The following MDGA2 variants were observed in gnomAD, a reference collection of about 807,000 sequenced individuals.
The protein encoded by MDGA2 is MAM domain-containing glycosylphosphatidylinositol anchor protein 2.
A neutral mutation model predicts 117.8 loss-of-function variants in MDGA2; 40 were observed. That is an observed-to-expected ratio of 0.34 (90% CI 0.26 to 0.44). The LOEUF (loss-of-function observed/expected upper bound fraction) is 0.44. Ranked by LOEUF, MDGA2 falls within the 20% of genes least tolerant of loss-of-function variation. The pLI, the probability that MDGA2 is intolerant of heterozygous loss-of-function variation, is 1.00. For missense variants in MDGA2, 1,123 were observed against 1,250.6 expected, an observed-to-expected ratio of 0.90 and a Z score of 1.54; for synonymous variants, 452 against 439.0, an observed-to-expected ratio of 1.03 and a Z score of -0.37.
Position 47,060,053 on chromosome 14 carries a change from T to G in MDGA2, c.1525+1196A>C, listed in dbSNP as rs187531373. 7.5e-3 allele frequency among the ~76,000 whole-genome samples: 1,142 copies of G among 152,228 alleles called. 7 individuals carry two copies. The highest frequency in any genetic ancestry group is 0.024 in the Middle Eastern group (7 of 294). ...CTCAGATATCCTAAAATAATCCATCTCTTAGCGCTAGCACCAACGTTTAAA... is the reference window on the plus strand; with the variant it reads ...CTCAGATATCCTAAAATAATCCATCGCTTAGCGCTAGCACCAACGTTTAAA... On this transcript the variant is annotated intron_variant, in intron 7 of 16. Coordinates refer to ENST00000399232, the MANE Select transcript of MDGA2 (RefSeq NM_001113498.3).
chr14:47,474,967 CA>C, intron 1 of MDGA2, among the ~76,000 whole-genome samples: 1 of 152,020 alleles, frequency 6.6e-6, no homozygotes, highest in South Asian at 2.1e-4. Context: ...GCAACAAAAG[CA>C]AAAATTGACA....
chr14:47,228,952 A>G (rs990383703), intron 2 of MDGA2, among the ~76,000 whole-genome samples: 1 of 152,086 alleles, frequency 6.6e-6, no homozygotes, highest in East Asian at 1.9e-4. Flanking sequence ...TCAAAATTCC[A>G]GTCTCCCAAA....
chr14:47,532,526 G>C (rs1160564047), intron 1 of MDGA2, among the ~76,000 whole-genome samples: 1 of 152,092 alleles, frequency 6.6e-6, no homozygotes, highest in African/African-American at 2.4e-5. Flanking sequence ...TTCTATTTCA[G>C]TCCAGTAATT....
chr14:47,355,657 T>G (rs943936474), intron 1 of MDGA2, among the ~76,000 whole-genome samples: 19 of 151,880 alleles, frequency 1.3e-4, no homozygotes, highest in Non-Finnish European at 8.8e-5. Flanking sequence ...GAGGAGGACT[T>G]CCTCTGCTCC....
At chr14:47,590,546 T>G (rs1460669544) in intron 1 of MDGA2, among the ~76,000 whole-genome samples, 1 of 151,914 alleles carries the variant, frequency 6.6e-6, no homozygotes, top group African/African-American at 2.4e-5. Flanking sequence ...AATTTAATTA[T>G]TAAAATACCA....
chr14:47,662,612 G>A (rs1566564216), intron 1 of MDGA2, among the ~76,000 whole-genome samples: 1 of 152,126 alleles, frequency 6.6e-6, no homozygotes, highest in Non-Finnish European at 1.5e-5. Flanking sequence ...AAAATCACAG[G>A]AAGCAAGAAG....
chr14:47,519,351 C>A (rs1234768719), intron 1 of MDGA2, among the ~76,000 whole-genome samples: 1 of 152,152 alleles, frequency 6.6e-6, no homozygotes, highest in Non-Finnish European at 1.5e-5. Flanking sequence ...CTCCACAGTT[C>A]TCTTCATAGG....
chr14:46,990,866 C>A (rs1959808), intron 8 of MDGA2, among the ~76,000 whole-genome samples: 70 of 140,896 alleles, frequency 5.0e-4, no homozygotes, highest in Non-Finnish European at 7.7e-4. Context: ...ACACACACAC[C>A]CACACACACA....
At chr14:47,238,205 C>T (rs1886926278) in intron 2 of MDGA2, among the ~76,000 whole-genome samples, 1 of 152,200 alleles carries the variant, frequency 6.6e-6, no homozygotes, top group South Asian at 2.1e-4. Flanking sequence ...TATTCCCAAT[C>T]ACCACATCTA....
At chr14:47,340,399 T>A (rs1310584916) in intron 1 of MDGA2, among the ~76,000 whole-genome samples, 2 of 151,998 alleles carry the variant, frequency 1.3e-5, no homozygotes, top group Non-Finnish European at 1.5e-5. Flanking sequence ...AAATGAAAAA[T>A]AAAAAATAGC....
At chr14:47,008,020 T>A (rs148631051) in intron 8 of MDGA2, among the ~76,000 whole-genome samples, 3 of 151,850 alleles carry the variant, frequency 2.0e-5, no homozygotes, top group Non-Finnish European at 1.5e-5. Flanking sequence ...GACCTTTATT[T>A]GTTTCTACAA....
At chr14:47,588,261 TAC>T (rs67717725) in intron 1 of MDGA2, among the ~76,000 whole-genome samples, 22,887 of 103,204 alleles carry the variant, frequency 0.22, 2,303 homozygotes, top group Middle Eastern at 0.35. Flanking sequence ...TATATATATA[TAC>T]ACACACACAC....
At chr14:47,136,385 C>T (rs554577502) in intron 4 of MDGA2, among the ~76,000 whole-genome samples, 21 of 151,724 alleles carry the variant, frequency 1.4e-4, no homozygotes, top group East Asian at 2.0e-4. Context: ...TTAGTAGAGA[C>T]GGGATTTCAC....
intron 1 of MDGA2, among the ~76,000 whole-genome samples, chr14:47,316,224 G>A (rs1889805413): frequency 1.3e-5 from 2 of 151,954 alleles, no homozygotes; most frequent in Admixed American, 1.3e-4. Context: ...TTTAGTTTTT[G>A]TTGAGAGTCT....
intron 1 of MDGA2, among the ~76,000 whole-genome samples, chr14:47,567,360 A>G (rs976154542): frequency 1.3e-5 from 2 of 152,228 alleles, no homozygotes; most frequent in Non-Finnish European, 2.9e-5. Context: ...AATGAGGAAC[A>G]TAACAACTGA....
At chr14:47,274,476 T>A (rs1015518396) in intron 2 of MDGA2, among the ~76,000 whole-genome samples, 1 of 152,196 alleles carries the variant, frequency 6.6e-6, no homozygotes, top group Admixed American at 6.6e-5. Flanking sequence ...TATCCATTCA[T>A]CAACTGACGG....
chr14:47,388,783 T>G (rs1891819889), intron 1 of MDGA2, among the ~76,000 whole-genome samples: 1 of 152,042 alleles, frequency 6.6e-6, no homozygotes, highest in Non-Finnish European at 1.5e-5. Context: ...GGGAGGAGGA[T>G]AAGTGACCCA....
chr14:47,299,161 T>C (rs10483577), intron 2 of MDGA2, among the ~76,000 whole-genome samples: 23,254 of 152,176 alleles, frequency 0.15, 1,951 homozygotes, highest in Middle Eastern at 0.22. Flanking sequence ...TAAAAATGCA[T>C]GATCTACTTT....
intron 1 of MDGA2, among the ~76,000 whole-genome samples, chr14:47,315,447 A>C (rs924073107): frequency 6.6e-6 from 1 of 152,116 alleles, no homozygotes; most frequent in Non-Finnish European, 1.5e-5. Context: ...ACTGTAAGTG[A>C]CTTTCTTGGC....
Sources: allele counts gnomAD v4.1 joint callset (sites outside exome capture counted in the v4.1 genomes callset), GRCh38; gene constraint gnomAD v4.1.1; transcripts MANE v1.5; gene names NCBI Gene and HGNC (gene_info 2026-07-23, HGNC 2026-07-21).